Variants in MBNL3 observed in about 807,000 individuals in gnomAD.
MBNL3 encodes muscleblind like splicing regulator 3.
Under a neutral mutation model 24.5 loss-of-function variants are expected in MBNL3, and 6 were observed. The observed-to-expected ratio is 0.25, with a 90% CI of 0.13 to 0.48. The LOEUF (loss-of-function observed/expected upper bound fraction) is 0.48. Among genes scored for constraint, MBNL3 ranks in the 20% least tolerant of loss-of-function variants. MBNL3 has a pLI of 0.99. For synonymous variants in MBNL3, 100 were observed against 101.7 expected (o/e 0.98, Z 0.10); for missense variants, 230 against 293.5 (o/e 0.78, Z 1.58).
Position 132,465,043 on chromosome X carries a change from T to C in MBNL3, c.-704+23808A>G, listed in dbSNP as rs752161848. On this transcript the variant is annotated intron_variant, in intron 1 of 8. Transcript: ENST00000370853. ...TTGGGTGACAGAGCAGGACTCCATC[T>C]CAAAGTAAATAAATAAATAATAAAA... Among the ~76,000 whole-genome samples, 349 of 111,448 alleles carry C rather than the reference T, an allele frequency of 3.1e-3. 1 individual carries two copies. Among genetic ancestry groups the C allele is most frequent in the African/African-American group, 0.01 (319 of 30,663 alleles).
At chrX:132,453,432 G>A (rs139364552) in intron 1 of MBNL3, among the ~76,000 whole-genome samples, 1,637 of 111,518 alleles carry the variant, frequency 0.015, 25 homozygotes, top group African/African-American at 0.05. Flanking sequence ...GGCTCCGTGA[G>A]GACAAGATAG....
At chrX:132,386,879 G>C in intron 5 of MBNL3, 68 bp from the exon 6 acceptor site, 1 of 1,106,473 alleles carries the variant, frequency 9.0e-7, no homozygotes, top group Non-Finnish European at 1.2e-6. Context: ...GCAAGCACCA[G>C]TCATATAAGG....
rs1934126702 is a variant in MBNL3 at position 132,376,181 on chromosome X, G to A, written c.*3485C>T. 9.0e-6 allele frequency: 1 copy of A among 110,646 alleles called. No homozygotes were observed. Among genetic ancestry groups the A allele is most frequent in the Admixed American group, 9.6e-5 (1 of 10,398 alleles). 9.1% of individuals were successfully genotyped at this position (110,646 alleles called of 1,213,427 possible). A position where few individuals can be genotyped will look rare whatever the true frequency, so the allele number is the denominator to read the frequency against. ...TGCTTCAGCATGTTCAAAAACGGAT[G>A]AAAAAAATTGATGGAGTAGAGAGAA... On this transcript the variant is annotated 3_prime_UTR_variant, in exon 9 of 9. Coordinates refer to ENST00000370853, the MANE Select transcript of MBNL3 (RefSeq NM_001386889.1).
intron 1 of MBNL3, among the ~76,000 whole-genome samples, chrX:132,451,569 G>A (rs1022428930): frequency 2.7e-5 from 3 of 111,852 alleles, no homozygotes; most frequent in African/African-American, 9.7e-5. Context: ...TGCCTGCAGC[G>A]AGAATTTCAG....
At chrX:132,404,580 T>C (rs1399300560) in intron 3 of MBNL3, among the ~76,000 whole-genome samples, 1 of 112,303 alleles carries the variant, frequency 8.9e-6, no homozygotes, top group Non-Finnish European at 1.9e-5. Context: ...GGTAAACTAA[T>C]AGTACAGAAC....
At chrX:132,413,552 A>G in intron 2 of MBNL3, 1 of 1,153,628 alleles carries the variant, frequency 8.7e-7, no homozygotes, top group African/African-American at 1.8e-5. Flanking sequence ...TGCCCAGAGT[A>G]AAGTAGAAGA....
chrX:132,438,324 A>G (rs1323849751), intron 2 of MBNL3, among the ~76,000 whole-genome samples: 1 of 112,067 alleles, frequency 8.9e-6, no homozygotes, highest in African/African-American at 3.2e-5. Context: ...AAACACTTTC[A>G]GTCTCAAGCA....
chrX:132,378,263 A>G lies in MBNL3; in HGVS notation c.*1403T>C, dbSNP rs1185860483. On this transcript the variant is annotated 3_prime_UTR_variant, in exon 9 of 9. Coordinates refer to ENST00000370853, the MANE Select transcript of MBNL3 (RefSeq NM_001386889.1). ...ACAAAACGAAACTCAGTTGAACCGAAGCTAAAGACAACTACAACCATCTTT... is the reference window on the plus strand; with the variant it reads ...ACAAAACGAAACTCAGTTGAACCGAGGCTAAAGACAACTACAACCATCTTT... The G allele has an allele frequency of 9.0e-6, 1 of 111,266 alleles. No homozygotes were observed. Among genetic ancestry groups the G allele is most frequent in the Non-Finnish European group, 1.9e-5 (1 of 52,987 alleles). The allele number at this position is 111,266 out of a possible 1,213,427, so 9.2% of individuals were successfully genotyped here. A position where few individuals can be genotyped will look rare whatever the true frequency, so the allele number is the denominator to read the frequency against.
chrX:132,394,552 T>TGCA (rs1340219270), intron 3 of MBNL3, among the ~76,000 whole-genome samples: 5 of 112,225 alleles, frequency 4.5e-5, no homozygotes, highest in Non-Finnish European at 7.5e-5. Flanking sequence ...CCCATTCTCC[T>TGCA]GCATACTTTT....
At chrX:132,423,556 G>A (rs1944019169) in intron 2 of MBNL3, among the ~76,000 whole-genome samples, 1 of 111,789 alleles carries the variant, frequency 8.9e-6, no homozygotes, top group Non-Finnish European at 1.9e-5. Context: ...ATCAAAAGCC[G>A]AAGTATCAAT....
chrX:132,452,766 G>C (rs1946178109), intron 1 of MBNL3, among the ~76,000 whole-genome samples: 1 of 112,869 alleles, frequency 8.9e-6, no homozygotes, highest in South Asian at 3.6e-4. Flanking sequence ...TTGGGAATTA[G>C]TATAACCTTA....
chrX:132,437,077 G>A (rs150424286), intron 2 of MBNL3, among the ~76,000 whole-genome samples: 1,817 of 111,620 alleles, frequency 0.016, 30 homozygotes, highest in African/African-American at 0.055. Flanking sequence ...AGTGCAGCAC[G>A]CATTTTGTAA....
intron 1 of MBNL3, among the ~76,000 whole-genome samples, chrX:132,485,202 G>A (rs1287161932): frequency 9.0e-6 from 1 of 111,104 alleles, no homozygotes; most frequent in Non-Finnish European, 1.9e-5. Context: ...ATCTTCCAGT[G>A]AGAAAGCAAT....
rs1934131637 is a variant in MBNL3 at position 132,376,213 on chromosome X, T to C, written c.*3453A>G. The stretch of plus-strand genomic sequence containing the variant: ...ATTGATGGAGTAGAGAGAAGATGAC[T>C]TTCCACATCATGATTAACTACAAAT... On this transcript the variant is annotated 3_prime_UTR_variant, in exon 9 of 9. Coordinates refer to ENST00000370853, the MANE Select transcript of MBNL3 (RefSeq NM_001386889.1). 1 of 111,330 alleles carries C rather than the reference T, an allele frequency of 9.0e-6. No homozygotes were observed. The highest frequency in any genetic ancestry group is 1.9e-5 in the Non-Finnish European group (1 of 52,879). The allele number at this position is 111,330 out of a possible 1,213,427, so 9.2% of individuals were successfully genotyped here.
At chrX:132,451,315 C>T (rs1252459517) in intron 1 of MBNL3, among the ~76,000 whole-genome samples, 2 of 112,414 alleles carry the variant, frequency 1.8e-5, no homozygotes, top group Admixed American at 9.3e-5. Flanking sequence ...ATGGGAGTTT[C>T]ATCTATAAGC....
chrX:132,434,234 ACT>A (rs1944972939), intron 2 of MBNL3, among the ~76,000 whole-genome samples: 1 of 110,836 alleles, frequency 9.0e-6, no homozygotes, highest in African/African-American at 3.3e-5. Context: ...AGGACTGCTC[ACT>A]CTCCAGTGTT....
intron 1 of MBNL3, among the ~76,000 whole-genome samples, chrX:132,473,541 G>A (rs972393445): frequency 2.7e-5 from 3 of 111,276 alleles, no homozygotes; most frequent in Non-Finnish European, 5.7e-5. Flanking sequence ...TTATCAACAA[G>A]TAATATTTGC....
chrX:132,381,485 T>C, intron 8 of MBNL3: 1 of 813,236 alleles, frequency 1.2e-6, no homozygotes, highest in South Asian at 2.7e-5. Flanking sequence ...GAGAATTCTG[T>C]TTATGTTGTT....
chrX:132,450,199 A>G (rs753336745), intron 1 of MBNL3, among the ~76,000 whole-genome samples: 1 of 111,002 alleles, frequency 9.0e-6, no homozygotes, highest in South Asian at 3.9e-4. Flanking sequence ...CTGAATTTGA[A>G]TGTTGGCCTG....
Sources: gnomAD v4.1 joint callset for allele counts (sites outside exome capture counted in the v4.1 genomes callset) on GRCh38, gnomAD v4.1.1 for gene constraint, MANE v1.5 for transcripts, NCBI Gene and HGNC (gene_info 2026-07-23, HGNC 2026-07-21) for gene names.